Variants in ARMC12 observed in about 807,000 individuals in gnomAD.
ARMC12 encodes armadillo repeat-containing protein 12.
In ARMC12, 25 loss-of-function variants were observed where a neutral mutation model predicts 37.4. The ratio of observed to expected loss-of-function variants is 0.67; its 90% CI spans 0.49 to 0.93. The LOEUF (loss-of-function observed/expected upper bound fraction) is 0.93, where lower values mean the gene tolerates loss of function less well. Ranked by LOEUF, ARMC12 falls within the 40% of genes least tolerant of loss-of-function variation. The pLI, the probability that ARMC12 is intolerant of heterozygous loss-of-function variation, is 0.00. For synonymous variants in ARMC12, 167 were observed against 176.1 expected (o/e 0.95, Z 0.41); for missense variants, 384 against 426.6 (o/e 0.90, Z 0.88).
At chr6:35,740,273 C>T (rs76427021) in intron 3 of ARMC12, among the ~76,000 whole-genome samples, 3,070 of 152,190 alleles carry the variant, frequency 0.02, 94 homozygotes, top group African/African-American at 0.068. Context: ...CTTACAGTAT[C>T]CACACCCATC....
intron 3 of ARMC12, among the ~76,000 whole-genome samples, chr6:35,745,906 C>G (rs564526624): frequency 6.6e-6 from 1 of 152,206 alleles, no homozygotes; most frequent in African/African-American, 2.4e-5. Context: ...ATTAGTTGAG[C>G]ACGGTGGCGT....
At chr6:35,740,193 C>T (rs1767123052) in intron 3 of ARMC12, among the ~76,000 whole-genome samples, 1 of 152,176 alleles carries the variant, frequency 6.6e-6, no homozygotes, top group South Asian at 2.1e-4. Context: ...ATAACTTCTC[C>T]ATTACTCCAT....
chr6:35,737,241 C>T lies in ARMC12; in HGVS notation c.133C>T (p.Leu45Phe). ...GGCTGGCATAAAATGCAAACCACCC[C>T]TCTGTAGCAACTCACCCATCTGCAT... ...IKAGIKCKPP[L>F]CSNSPICIAR... Residue 45 changes from leucine to phenylalanine, a missense_variant, in exon 1 of 6, where the codon CTC (leucine) becomes TTC (phenylalanine). Physicochemically the swap from Leu to Phe is conservative, Grantham distance 22 (BLOSUM62 0). Transcript: ENST00000373866. 2 of 1,614,278 alleles carry T rather than the reference C, an allele frequency of 1.2e-6. No homozygotes were observed. Among genetic ancestry groups the T allele is most frequent in the Non-Finnish European group, 1.7e-6 (2 of 1,180,046 alleles).
At chr6:35,737,972 A>T in intron 1 of ARMC12, 55 bp from the exon 2 acceptor site, 1 of 1,604,210 alleles carries the variant, frequency 6.2e-7, no homozygotes, top group East Asian at 2.2e-5. Flanking sequence ...TCCCAACCCC[A>T]TTCTTTCATC....
upstream of ARMC12, chr6:35,736,822 C>G (rs1766978079): frequency 6.8e-6 from 3 of 440,082 alleles, no homozygotes; most frequent in Admixed American, 3.5e-5. Context: ...ATTGGCCAGG[C>G]TGGTCTCGAA....
At chr6:35,747,668 G>A in intron 5 of ARMC12, 21 bp downstream of exon 5, 1 of 1,611,326 alleles carries the variant, frequency 6.2e-7, no homozygotes, top group Non-Finnish European at 8.5e-7. Flanking sequence ...AATTGAAGAG[G>A]GGCTGATGAA....
rs1273463614 is a variant in ARMC12, at chr6:35,738,099, G to A, written c.236G>A (p.Cys79Tyr). ...ELRRLLNSLE[C>Y]KQDEYAKSMI... is the part of the protein sequence containing the mutation. ...CGGAGGCTCCTCAACTCTTTGGAGT[G>A]CAAACAGGATGAGTATGCCAAGAGC... Residue 79 changes from cysteine to tyrosine, a missense_variant, in exon 2 of 6, where the codon TGC becomes TAC. Cys to Tyr is a radical substitution (Grantham distance 194). Coordinates refer to ENST00000373866, the MANE Select transcript of ARMC12 (RefSeq NM_001286574.2). 1.2e-6 allele frequency: 2 copies of A among 1,614,054 alleles called. No individual in the cohort carries two copies. The highest frequency in any genetic ancestry group is 1.7e-5 in the Admixed American group (1 of 60,032).
upstream of ARMC12, among the ~76,000 whole-genome samples, chr6:35,733,116 G>A (rs1424449772): frequency 6.6e-6 from 1 of 152,174 alleles, no homozygotes; most frequent in East Asian, 1.9e-4. Flanking sequence ...AGGTTGCAGT[G>A]AGCCGAGATG....
chr6:35,740,460 A>G (rs1274814442), intron 3 of ARMC12, among the ~76,000 whole-genome samples: 1 of 152,136 alleles, frequency 6.6e-6, no homozygotes, highest in Non-Finnish European at 1.5e-5. Flanking sequence ...AGCAAAACCA[A>G]AAAAGCCTCT....
chr6:35,740,294 T>G (rs980055436), intron 3 of ARMC12, among the ~76,000 whole-genome samples: 7 of 152,086 alleles, frequency 4.6e-5, no homozygotes, highest in Non-Finnish European at 8.8e-5. Context: ...CTCCCTGCTT[T>G]CCTGCTGCTG....
At chr6:35,737,554 T>C (rs1392808699) in intron 1 of ARMC12, among the ~76,000 whole-genome samples, 4 of 152,158 alleles carry the variant, frequency 2.6e-5, no homozygotes, top group Non-Finnish European at 4.4e-5. Flanking sequence ...TCTTGGAAAC[T>C]TGGTGTCGGC....
At position 35,738,463 on chromosome 6, in the gene ARMC12, C is replaced by A. The variant is rs765003163; in HGVS notation, c.389C>A (p.Ala130Asp). 2 of 1,613,990 alleles carry A rather than the reference C, an allele frequency of 1.2e-6. No individual in the cohort carries two copies. Reference protein sequence around the residue: ...DDKDNSVKTQALNTLKAFSGI... With the variant: ...DDKDNSVKTQDLNTLKAFSGI... The stretch of plus-strand genomic sequence containing the variant: ...AAGGACAACAGTGTCAAAACCCAAG[C>A]TCTGAATACACTTAAAGCTTTCTCT... Residue 130 changes from alanine (A) to aspartate (D), a missense_variant, in exon 3 of 6, where the codon GCT becomes GAT. Physicochemically the swap from Ala to Asp is moderately radical, Grantham distance 126 (BLOSUM62 -2). Transcript: ENST00000373866.
intron 3 of ARMC12, 92 bp from the exon 4 acceptor site, chr6:35,747,169 G>T: frequency 2.1e-6 from 3 of 1,430,488 alleles, no homozygotes; most frequent in Non-Finnish European, 2.9e-6. Flanking sequence ...TGGCCCAGGG[G>T]ACATCCATGG....
At chr6:35,734,228 C>T (rs572014442), upstream of ARMC12, among the ~76,000 whole-genome samples, 26 of 152,254 alleles carry the variant, frequency 1.7e-4, no homozygotes, top group African/African-American at 5.3e-4. Context: ...GGCATGATCT[C>T]GGCTCACTGC....
chr6:35,732,123 T>C (rs952682911), upstream of ARMC12, among the ~76,000 whole-genome samples: 1 of 151,358 alleles, frequency 6.6e-6, no homozygotes, highest in Non-Finnish European at 1.5e-5. Flanking sequence ...GCGGCCTCCT[T>C]CCCCCCGCCG....
the ARMC12 span, among the ~76,000 whole-genome samples, chr6:35,731,836 C>T: frequency 6.6e-6 from 1 of 152,200 alleles, no homozygotes; most frequent in African/African-American, 2.4e-5. Flanking sequence ...CCCGGGCAGC[C>T]CCGTCGCTCC....
chr6:35,746,128 G>C (rs1385602804), intron 3 of ARMC12, among the ~76,000 whole-genome samples: 2 of 152,166 alleles, frequency 1.3e-5, no homozygotes, highest in African/African-American at 2.4e-5. Context: ...ATGCTGTAGA[G>C]AAAAATAAAA....
Position 35,747,790 on chromosome 6 carries a change from T to C in ARMC12, c.690+143T>C. 6 of 841,794 alleles carry C rather than the reference T, an allele frequency of 7.1e-6. No individual in the cohort carries two copies. In the South Asian group the frequency reaches 1.0e-4, roughly 15 times the overall value. 52.1% of individuals were successfully genotyped at this position (841,794 alleles called of 1,614,324 possible). A position where few individuals can be genotyped will look rare whatever the true frequency, so the allele number is the denominator to read the frequency against. On this transcript the variant is annotated intron_variant, in intron 5 of 5. Transcript: ENST00000373866. ...TCTGCACTAAATGCACTGAAAATCA[T>C]GCCTCTTCTGTTCCCCCCAGTAGAA...
chr6:35,747,891 A>T (rs1767391570), intron 5 of ARMC12, among the ~76,000 whole-genome samples: 3 of 152,200 alleles, frequency 2.0e-5, no homozygotes, highest in Non-Finnish European at 2.9e-5. Context: ...AACACAGGAG[A>T]CAAAACAAAA....
Sources: allele counts gnomAD v4.1 joint callset (sites outside exome capture counted in the v4.1 genomes callset), GRCh38; gene constraint gnomAD v4.1.1; transcripts MANE v1.5; gene names NCBI Gene and HGNC (gene_info 2026-07-23, HGNC 2026-07-21).